Variants in KIRREL3 observed in about 807,000 individuals in gnomAD.
KIRREL3 encodes kin of IRRE-like protein 3.
A neutral mutation model predicts 89.7 loss-of-function variants in KIRREL3; 36 were observed. The ratio of observed to expected loss-of-function variants is 0.40; its 90% CI spans 0.31 to 0.53. KIRREL3 has a LOEUF of 0.53. KIRREL3 is among the 20% of genes least tolerant of loss of function. The pLI is 0.49. For missense variants in KIRREL3, 864 were observed against 1,056.6 expected, an observed-to-expected ratio of 0.82 and a Z score of 2.53; for synonymous variants, 445 against 441.4, an observed-to-expected ratio of 1.01 and a Z score of -0.10.
chr11:126,648,228 C>A (rs1312626174), intron 1 of KIRREL3, among the ~76,000 whole-genome samples: 2 of 152,222 alleles, frequency 1.3e-5, no homozygotes, highest in Non-Finnish European at 2.9e-5. Flanking sequence ...GCCTACAGAA[C>A]CGTGAGTCAA....
chr11:126,889,754 T>C (rs1264613642), intron 1 of KIRREL3, among the ~76,000 whole-genome samples: 1 of 152,176 alleles, frequency 6.6e-6, no homozygotes, highest in Non-Finnish European at 1.5e-5. Context: ...ATAGAGAACT[T>C]TGGAAAAATT....
intron 1 of KIRREL3, among the ~76,000 whole-genome samples, chr11:126,852,294 C>T (rs1441015096): frequency 6.6e-6 from 1 of 152,118 alleles, no homozygotes; most frequent in African/African-American, 2.4e-5. Context: ...CCTCATGATC[C>T]ACCCACCTCA....
intron 1 of KIRREL3, among the ~76,000 whole-genome samples, chr11:126,700,569 T>C (rs572697347): frequency 2.6e-5 from 4 of 152,350 alleles, no homozygotes; most frequent in Non-Finnish European, 4.4e-5. Flanking sequence ...TCTGCTGCTG[T>C]CCCCAGATCA....
chr11:126,849,185 C>T (rs1180054603), intron 1 of KIRREL3, among the ~76,000 whole-genome samples: 7 of 152,174 alleles, frequency 4.6e-5, no homozygotes, highest in South Asian at 2.1e-4. Flanking sequence ...ACCAAGATGT[C>T]GATGAGAGTG....
At position 126,574,158 on chromosome 11, in the gene KIRREL3, T is replaced by A; in HGVS notation, c.56-11246A>T. On this transcript the variant is annotated intron_variant, in intron 1 of 16. Transcript: ENST00000525144. This position sits in a 1 kb window ranked among gnomAD's most constrained non-coding sequence, Gnocchi z 5.3. ...CTGCAGAGCTTTGCAGTTGAAGAAGTAAATACATGTTCTTCTTTAACCCTA... is the reference window on the plus strand; with the variant it reads ...CTGCAGAGCTTTGCAGTTGAAGAAGAAAATACATGTTCTTCTTTAACCCTA... Among the ~76,000 whole-genome samples, 1 of 152,158 alleles carries A rather than the reference T, an allele frequency of 6.6e-6. No homozygotes were observed. The highest frequency in any genetic ancestry group is 1.5e-5 in the Non-Finnish European group (1 of 68,034).
In KIRREL3 at chr11:126,640,898, C is replaced by T. The variant is rs1020342998; in HGVS notation, c.56-77986G>A. Among the ~76,000 whole-genome samples the T allele has an allele frequency of 9.2e-5, 14 of 152,280 alleles. No homozygotes were observed. The highest frequency in any genetic ancestry group is 2.9e-4 in the African/African-American group (12 of 41,544). On this transcript the variant is annotated intron_variant, in intron 1 of 16. Transcript: ENST00000525144. The surrounding 1 kb of genome is among the most constrained non-coding windows in gnomAD (Gnocchi z 4.9). ...CTCTTCTCAATCTTATGGCTTTAAA[C>T]ACCGACTCTACTCTGATGTCTCTCA...
rs1946471869 is a variant in KIRREL3, at chr11:126,903,937, T to A, written c.55+96518A>T. ...CCCAACAATGAAAGTAATCCCTTGG[T>A]TCACCCTGGAACAGAACCAGTTCTT... On this transcript the variant is annotated intron_variant, in intron 1 of 16. Transcript: ENST00000525144. The surrounding 1 kb of genome is among the most constrained non-coding windows in gnomAD (Gnocchi z 4.5). Among the ~76,000 whole-genome samples, 1 of 152,154 alleles carries A rather than the reference T, an allele frequency of 6.6e-6. No individual in the cohort carries two copies. Among genetic ancestry groups the A allele is most frequent in the African/African-American group, 2.4e-5 (1 of 41,440 alleles).
At chr11:126,440,587 G>A in intron 10 of KIRREL3, 38 bp from the exon 11 acceptor site, 1 of 1,537,862 alleles carries the variant, frequency 6.5e-7, no homozygotes, top group Middle Eastern at 1.7e-4. Context: ...ACCCGGGAAG[G>A]GCACGTCCCT....
intron 1 of KIRREL3, among the ~76,000 whole-genome samples, chr11:126,599,267 C>T (rs1486728586): frequency 6.6e-6 from 1 of 152,214 alleles, no homozygotes; most frequent in Non-Finnish European, 1.5e-5. Context: ...CACCCAATTT[C>T]CACGGCTTTT....
At position 126,424,739 on chromosome 11, in the gene KIRREL3, C is replaced by G. The variant is rs774222034; in HGVS notation, c.2178G>C (p.Gln726His). 6.2e-7 allele frequency: 1 copy of G among 1,614,072 alleles called. No individual in the cohort carries two copies. Among genetic ancestry groups the G allele is most frequent in the Non-Finnish European group, 8.5e-7 (1 of 1,179,904 alleles). The change falls in exon 17 of 17, where the codon CAG (glutamine) becomes CAC (histidine). Residue 726 changes from glutamine (Q) to histidine (H), a missense_variant. Physicochemically the swap from Gln to His is conservative, Grantham distance 24. Transcript: ENST00000525144. ...LSDSSSFLDT[Q>H]CDSSVSSSGK... ...CGCTGCTGCTGACGCTGCTGTCACA[C>G]TGCGTGTCCAGGAAGGAGCTGCTGT...
rs991035382 is a variant in KIRREL3, at chr11:126,780,878, T to G, written c.56-217966A>C. On this transcript the variant is annotated intron_variant, in intron 1 of 16. Coordinates refer to ENST00000525144, the MANE Select transcript of KIRREL3 (RefSeq NM_032531.4). This position sits in a 1 kb window ranked among gnomAD's most constrained non-coding sequence, Gnocchi z 5.3. Reference sequence around the variant, plus strand: ...TGGCAACCATGAGCATGCCCTAGTGTCTTCATCTATAAAATGGGATGAAGC... The same window carrying G: ...TGGCAACCATGAGCATGCCCTAGTGGCTTCATCTATAAAATGGGATGAAGC... Among the ~76,000 whole-genome samples, 3 of 152,260 alleles carry G rather than the reference T, an allele frequency of 2.0e-5. No individual in the cohort carries two copies. Among genetic ancestry groups the G allele is most frequent in the African/African-American group, 7.2e-5 (3 of 41,468 alleles).
rs1945351364 is a variant in KIRREL3 at position 126,877,943 on chromosome 11, T to A, written c.55+122512A>T. Among the ~76,000 whole-genome samples, 1 of 152,164 alleles carries A rather than the reference T, an allele frequency of 6.6e-6. No individual in the cohort carries two copies. Among genetic ancestry groups the A allele is most frequent in the African/African-American group, 2.4e-5 (1 of 41,426 alleles). On this transcript the variant is annotated intron_variant, in intron 1 of 16. Transcript: ENST00000525144. This position sits in a 1 kb window ranked among gnomAD's most constrained non-coding sequence, Gnocchi z 4.9. ...TCCCCCCTAGAGACATAGTCCAAGC[T>A]TCTCACTTCACCAATGATGGGACCT...
intron 1 of KIRREL3, among the ~76,000 whole-genome samples, chr11:126,932,085 G>C (rs1592395292): frequency 6.6e-6 from 1 of 152,158 alleles, no homozygotes; most frequent in South Asian, 2.1e-4. Flanking sequence ...CTGAAGCCTG[G>C]TGCATTCTTT....
intron 1 of KIRREL3, among the ~76,000 whole-genome samples, chr11:126,869,945 G>C (rs1184183569): frequency 6.6e-6 from 1 of 152,110 alleles, no homozygotes; most frequent in Non-Finnish European, 1.5e-5. Flanking sequence ...CCTTGTAATG[G>C]GTTCATTATT....
intron 1 of KIRREL3, among the ~76,000 whole-genome samples, chr11:126,784,091 C>T (rs75207986): frequency 0.047 from 7,093 of 152,276 alleles, 288 homozygotes; most frequent in East Asian, 0.16. Context: ...CAAACAGAAT[C>T]TGAGAAGCCG....
At chr11:126,819,020 G>A (rs1019364256) in intron 1 of KIRREL3, among the ~76,000 whole-genome samples, 13 of 152,178 alleles carry the variant, frequency 8.5e-5, no homozygotes, top group South Asian at 4.1e-4. Context: ...GGGCGAGGCC[G>A]CTAGGGGTAG....
chr11:127,000,517 C>G lies in KIRREL3; in HGVS notation c.-8G>C. The stretch of plus-strand genomic sequence containing the variant: ...GAGCTGGAAGGGTTTCATTCCTTAG[C>G]GCAGCGAAGGAAAGCCGGCGGGGTA... On this transcript the variant is annotated 5_prime_UTR_variant, in exon 1 of 17. Coordinates refer to ENST00000525144, the MANE Select transcript of KIRREL3 (RefSeq NM_032531.4). The surrounding 1 kb of genome is among the most constrained non-coding windows in gnomAD (Gnocchi z 7.1). 1.2e-6 allele frequency: 2 copies of G among 1,603,278 alleles called. No homozygotes were observed. Among genetic ancestry groups the G allele is most frequent in the Non-Finnish European group, 1.7e-6 (2 of 1,174,960 alleles).
intron 4 of KIRREL3, among the ~76,000 whole-genome samples, chr11:126,499,369 C>T (rs558605993): frequency 2.6e-5 from 4 of 152,266 alleles, no homozygotes; most frequent in African/African-American, 9.6e-5. Flanking sequence ...GGTTGCCCTA[C>T]TTACTTTCTG....
In KIRREL3 at chr11:126,697,279, C is replaced by T. The variant is rs1275391088; in HGVS notation, c.56-134367G>A. ...AGAAGGCGGGACTTCCTCTATTGCC[C>T]TAGGCCCTGGGGTGAACTGCAGCCA... On this transcript the variant is annotated intron_variant, in intron 1 of 16. Coordinates refer to ENST00000525144, the MANE Select transcript of KIRREL3 (RefSeq NM_032531.4). The surrounding 1 kb of genome is among the most constrained non-coding windows in gnomAD (Gnocchi z 4.2). 6.6e-6 allele frequency among the ~76,000 whole-genome samples: 1 copy of T among 152,224 alleles called. No individual in the cohort carries two copies. Among genetic ancestry groups the T allele is most frequent in the African/African-American group, 2.4e-5 (1 of 41,452 alleles).
Sources: gnomAD v4.1 joint callset for allele counts (sites outside exome capture counted in the v4.1 genomes callset) on GRCh38, gnomAD v4.1.1 for gene constraint, Gnocchi (gnomAD v3.1) non-coding constraint, MANE v1.5 for transcripts, NCBI Gene and HGNC (gene_info 2026-07-23, HGNC 2026-07-21) for gene names.